Variants in LRP2 observed in about 807,000 individuals in gnomAD.
The protein encoded by LRP2 is low-density lipoprotein receptor-related protein 2.
Under a neutral mutation model 531.0 loss-of-function variants are expected in LRP2, and 172 were observed. The ratio of observed to expected loss-of-function variants is 0.32; its 90% confidence interval spans 0.29 to 0.37. The LOEUF (loss-of-function observed/expected upper bound fraction) is 0.37, where lower values mean the gene tolerates loss of function less well. Among genes scored for constraint, LRP2 ranks in the 10% least tolerant of loss-of-function variants. The probability of loss-of-function intolerance (pLI) is 1.00; values close to 1 mark genes in which losing one functional copy is unlikely to be tolerated. For missense variants in LRP2, 5,167 were observed against 5,868.3 expected (o/e 0.88, Z 3.90); for synonymous variants, 1,992 against 2,027.6 (o/e 0.98, Z 0.47).
chr2:169,164,596 A>G (rs758902744), intron 62 of LRP2, among the ~76,000 whole-genome samples: 1 of 152,138 alleles, frequency 6.6e-6, no homozygotes, highest in Non-Finnish European at 1.5e-5. Flanking sequence ...CACCATGTTG[A>G]TCTTCTCCTG....
chr2:169,289,674 G>A (rs1432054062), intron 8 of LRP2, among the ~76,000 whole-genome samples: 1 of 152,080 alleles, frequency 6.6e-6, no homozygotes, highest in African/African-American at 2.4e-5. Context: ...GTCTATCTTT[G>A]TGTCTACATA....
At chr2:169,326,549 G>C (rs1379831511) in intron 1 of LRP2, among the ~76,000 whole-genome samples, 1 of 151,848 alleles carries the variant, frequency 6.6e-6, no homozygotes, top group East Asian at 2.0e-4. Context: ...GTACAGTGGC[G>C]TGATCTCAGC....
intron 77 of LRP2, among the ~76,000 whole-genome samples, chr2:169,131,078 T>A (rs1166415147): frequency 6.6e-6 from 1 of 152,154 alleles, no homozygotes; most frequent in Admixed American, 6.5e-5. Flanking sequence ...TAGCTTGGGG[T>A]TGACTCAGGC....
In LRP2 at chr2:169,247,473, C is replaced by T. The variant is rs372927481; in HGVS notation, c.2813G>A (p.Arg938Gln). Residue 938 changes from arginine (R) to glutamine (Q), a missense_variant, in exon 20 of 79, where the codon CGA (arginine) becomes CAA (glutamine). Around this residue, in one of 6 missense-constraint regions of LRP2, gnomAD observed 2,811 missense variants for 3,058.0 expected, o/e 0.92. Coordinates refer to ENST00000649046, the MANE Select transcript of LRP2 (RefSeq NM_004525.3). The stretch of plus-strand genomic sequence containing the variant: ...TTCTCCACCATCTGCTTTCCTGACT[C>T]GAATAATGGCACCCAGTCTCCAGTC... ...FTDWRLGAII[R>Q]VRKADGGEMT... 131 of 1,614,112 alleles carry T rather than the reference C, an allele frequency of 8.1e-5. No individual in the cohort carries two copies. The Middle Eastern group carries it at 1.2e-3, about 14-fold the overall frequency.
chr2:169,282,164 C>A (rs1369953726), intron 10 of LRP2, among the ~76,000 whole-genome samples: 1 of 152,100 alleles, frequency 6.6e-6, no homozygotes, highest in Non-Finnish European at 1.5e-5. Context: ...AGAAAATGGG[C>A]CATTCTTCAG....
chr2:169,320,930 T>C, intron 1 of LRP2, 46 bp from the exon 2 acceptor site: 1 of 1,293,968 alleles, frequency 7.7e-7, no homozygotes, highest in South Asian at 1.2e-5. Context: ...CATGCAGATA[T>C]TTAACCGAAG....
Position 169,263,512 on chromosome 2 carries a change from C to T in LRP2, c.2321-4295G>A, listed in dbSNP as rs868532989. Among the ~76,000 whole-genome samples, 1,091 of 150,866 alleles carry T rather than the reference C, an allele frequency of 7.2e-3. 7 individuals are homozygous for T. The highest frequency in any genetic ancestry group is 0.045 in the Middle Eastern group (13 of 292). On this transcript the variant is annotated intron_variant, in intron 16 of 78. Transcript: ENST00000649046. ...ATGAAAAAATGCTCACCATCACTGG[C>T]CATCAGAGAAATGCAAATCAAAACC...
At chr2:169,141,544 C>T (rs150567640) in intron 71 of LRP2, among the ~76,000 whole-genome samples, 1 of 152,184 alleles carries the variant, frequency 6.6e-6, no homozygotes, top group East Asian at 1.9e-4. Flanking sequence ...AAACCGAGGC[C>T]CTATATGGAA....
At chr2:169,268,712 T>C (rs949891704) in intron 16 of LRP2, among the ~76,000 whole-genome samples, 6 of 152,200 alleles carry the variant, frequency 3.9e-5, no homozygotes, top group Non-Finnish European at 7.3e-5. Context: ...ATGCCCTCTC[T>C]CGCCACTCCT....
At chr2:169,292,160 A>G in intron 7 of LRP2, 93 bp downstream of exon 7, 2 of 997,636 alleles carry the variant, frequency 2.0e-6, no homozygotes, top group South Asian at 2.6e-5. Context: ...CTTGCTTGTC[A>G]CACAAAATTT....
chr2:169,234,261 T>C (rs1037696388), intron 29 of LRP2, among the ~76,000 whole-genome samples: 1 of 152,198 alleles, frequency 6.6e-6, no homozygotes, highest in African/African-American at 2.4e-5. Context: ...AACCCTCACA[T>C]GCATTAGATA....
Position 169,129,096 on chromosome 2 carries a change from G to C in LRP2, c.13729-12C>G. On this transcript the variant is annotated splice_polypyrimidine_tract_variant and intron_variant, in intron 77 of 78. Coordinates refer to ENST00000649046, the MANE Select transcript of LRP2 (RefSeq NM_004525.3). ...TTCCATTTTGTCACCTAAATGAAAA[G>C]GGGAAAACAAAAACCTCTCAGTAAT... 6.4e-7 allele frequency: 1 copy of C among 1,570,558 alleles called. No homozygotes were observed. The highest frequency in any genetic ancestry group is 8.8e-7 in the Non-Finnish European group (1 of 1,140,500).
intron 69 of LRP2, 47 bp downstream of exon 69, chr2:169,146,692 T>C (rs1685925569): frequency 7.0e-7 from 1 of 1,435,310 alleles, no homozygotes; most frequent in African/African-American, 1.4e-5. Flanking sequence ...ACATTAGAAA[T>C]ATGTTAATTA....
intron 26 of LRP2, among the ~76,000 whole-genome samples, chr2:169,238,884 G>A (rs959534468): frequency 5.9e-5 from 9 of 152,086 alleles, no homozygotes; most frequent in African/African-American, 1.9e-4. Context: ...TAGAAATTAC[G>A]AATCAAATCT....
At chr2:169,218,422 T>C (rs1229021149) in intron 34 of LRP2, among the ~76,000 whole-genome samples, 1 of 152,204 alleles carries the variant, frequency 6.6e-6, no homozygotes, top group Non-Finnish European at 1.5e-5. Flanking sequence ...TATAGCACTA[T>C]CATCCCAATT....
At chr2:169,326,516 T>G (rs923445391) in intron 1 of LRP2, among the ~76,000 whole-genome samples, 7 of 151,776 alleles carry the variant, frequency 4.6e-5, no homozygotes, top group Admixed American at 6.6e-5. Flanking sequence ...GTTCACTCAG[T>G]GCTCAATGGT....
At chr2:169,275,425 T>C (rs913230613) in intron 13 of LRP2, 187 bp from the exon 14 acceptor site, 9 of 585,722 alleles carry the variant, frequency 1.5e-5, no homozygotes, top group African/African-American at 1.1e-4. Context: ...AGGATTTTCA[T>C]GTTGTCTCTT....
intron 29 of LRP2, 60 bp from the exon 30 acceptor site, chr2:169,233,648 G>A (rs1689495709): frequency 2.1e-6 from 3 of 1,410,084 alleles, no homozygotes; most frequent in Non-Finnish European, 3.0e-6. Flanking sequence ...GGTGCACTGA[G>A]TCAAAGAGGA....
chr2:169,162,538 T>G lies in LRP2; in HGVS notation c.11821A>C (p.Ile3941Leu). Residue 3941 changes from isoleucine to leucine, a missense_variant, in exon 63 of 79, where the codon ATT becomes CTT. Physicochemically the swap from Ile to Leu is conservative, Grantham distance 5. Coordinates refer to ENST00000649046, the MANE Select transcript of LRP2 (RefSeq NM_004525.3). ...TCATCACACACATTGTCATGTGGAA[T>G]GCAATGCCCATTGCCACACTTATAT... The part of the protein sequence containing the change: ...YEYKCGNGHC[I>L]PHDNVCDDAD... The G allele has an allele frequency of 6.2e-7, 1 of 1,614,080 alleles. No homozygotes were observed. The highest frequency in any genetic ancestry group is 8.5e-7 in the Non-Finnish European group (1 of 1,179,894).
Sources: gnomAD v4.1 joint callset for allele counts (sites outside exome capture counted in the v4.1 genomes callset) on GRCh38, gnomAD v4.1.1 for gene constraint, gnomAD v4.1.1 regional missense constraint, MANE v1.5 for transcripts, NCBI Gene and HGNC (gene_info 2026-07-23, HGNC 2026-07-21) for gene names.